CFAP299: variants seen among roughly 807,000 people sequenced by gnomAD.
The protein encoded by CFAP299 is cilia and flagella associated protein 299, also known as cilia- and flagella-associated protein 299.
Under a neutral mutation model 27.0 loss-of-function variants are expected in CFAP299, and 21 were observed. That is an observed-to-expected ratio of 0.78 (90% CI 0.55 to 1.12). The LOEUF (loss-of-function observed/expected upper bound fraction) is 1.12. Ranked by LOEUF, CFAP299 falls within the 50% of genes most tolerant of loss-of-function variation. The pLI is 0.00. For missense variants in CFAP299, 310 were observed against 276.6 expected (o/e 1.12, Z -0.86); for synonymous variants, 104 against 98.1 (o/e 1.06, Z -0.36).
chr4:80,589,580 A>G (rs1014580869), intron 3 of CFAP299, among the ~76,000 whole-genome samples: 3 of 152,216 alleles, frequency 2.0e-5, no homozygotes, highest in Non-Finnish European at 1.5e-5. Context: ...ATTTGTATCA[A>G]TAACTTAAAA....
At chr4:80,904,955 TA>T (rs1735110095) in intron 4 of CFAP299, among the ~76,000 whole-genome samples, 1 of 152,270 alleles carries the variant, frequency 6.6e-6, no homozygotes, top group South Asian at 2.1e-4. Flanking sequence ...AGAATATGAA[TA>T]AAAAGTGGTT....
intron 3 of CFAP299, among the ~76,000 whole-genome samples, chr4:80,670,559 G>A (rs1482244678): frequency 6.6e-6 from 1 of 152,154 alleles, no homozygotes; most frequent in Non-Finnish European, 1.5e-5. Flanking sequence ...TTGAGGAATA[G>A]CCATGCTGTC....
chr4:80,564,195 T>C (rs1309397491), intron 2 of CFAP299, among the ~76,000 whole-genome samples: 1 of 151,884 alleles, frequency 6.6e-6, no homozygotes, highest in Non-Finnish European at 1.5e-5. Context: ...GCTAATATTA[T>C]CCTGATACCA....
intron 3 of CFAP299, among the ~76,000 whole-genome samples, chr4:80,827,289 A>G (rs1463761391): frequency 6.6e-6 from 1 of 151,860 alleles, no homozygotes; most frequent in Non-Finnish European, 1.5e-5. Flanking sequence ...CCTTATAAAC[A>G]TTGATACAAA....
intron 3 of CFAP299, among the ~76,000 whole-genome samples, chr4:80,812,033 A>G (rs987799612): frequency 2.0e-5 from 3 of 152,162 alleles, no homozygotes; most frequent in Non-Finnish European, 4.4e-5. Flanking sequence ...GCGGACACGT[A>G]GTTTCAACAG....
chr4:80,396,366 C>T (rs1725794452), intron 2 of CFAP299, among the ~76,000 whole-genome samples: 1 of 152,036 alleles, frequency 6.6e-6, no homozygotes, highest in Admixed American at 6.6e-5. Context: ...CAGCAAACAC[C>T]CATGTTTGCC....
chr4:80,373,536 G>A (rs1001170594), intron 2 of CFAP299, among the ~76,000 whole-genome samples: 1 of 152,150 alleles, frequency 6.6e-6, no homozygotes, highest in Admixed American at 6.5e-5. Context: ...TCAACCTCAA[G>A]TAACCATCTT....
At chr4:80,785,945 C>T (rs752378447) in intron 3 of CFAP299, among the ~76,000 whole-genome samples, 3 of 152,008 alleles carry the variant, frequency 2.0e-5, no homozygotes, top group Non-Finnish European at 4.4e-5. Flanking sequence ...CTTCTTAAAT[C>T]TAGTAATAAA....
At chr4:80,323,466 T>G in the CFAP299 span, among the ~76,000 whole-genome samples, 1 of 152,232 alleles carries the variant, frequency 6.6e-6, no homozygotes, top group African/African-American at 2.4e-5. Context: ...CACACACTGG[T>G]ATTTGTTGAA....
chr4:80,392,171 A>G (rs1218022386), intron 2 of CFAP299, among the ~76,000 whole-genome samples: 2 of 152,138 alleles, frequency 1.3e-5, no homozygotes, highest in East Asian at 1.9e-4. Flanking sequence ...CTTTACCTCC[A>G]TTGTATCTAA....
intron 4 of CFAP299, among the ~76,000 whole-genome samples, chr4:80,924,216 T>C (rs1736186730): frequency 1.3e-5 from 2 of 152,006 alleles, no homozygotes; most frequent in Admixed American, 1.3e-4. Context: ...GAAACTTTTG[T>C]TCACATTTAT....
intron 3 of CFAP299, among the ~76,000 whole-genome samples, chr4:80,741,906 C>A (rs2201244): frequency 0.39 from 58,846 of 151,982 alleles, 15,375 homozygotes; most frequent in African/African-American, 0.74. Flanking sequence ...GGGCTGATCC[C>A]AATGCTCCCT....
At chr4:80,442,772 C>A (rs868751585) in intron 2 of CFAP299, among the ~76,000 whole-genome samples, 1 of 152,040 alleles carries the variant, frequency 6.6e-6, no homozygotes. Flanking sequence ...AAAAGATTAA[C>A]AAAATAGATA....
At chr4:80,801,431 G>T (rs72879971) in intron 3 of CFAP299, among the ~76,000 whole-genome samples, 4,161 of 151,970 alleles carry the variant, frequency 0.027, 131 homozygotes, top group African/African-American at 0.082. Flanking sequence ...AATATCCTAG[G>T]AAGAACAACT....
chr4:80,662,275 A>T (rs1740889099), intron 3 of CFAP299, among the ~76,000 whole-genome samples: 1 of 152,094 alleles, frequency 6.6e-6, no homozygotes, highest in African/African-American at 2.4e-5. Flanking sequence ...GAACCAGCCG[A>T]CGTGTGATGT....
chr4:80,454,161 G>A (rs1729034677), intron 2 of CFAP299, among the ~76,000 whole-genome samples: 1 of 152,042 alleles, frequency 6.6e-6, no homozygotes, highest in Non-Finnish European at 1.5e-5. Context: ...ATTGGAAGGT[G>A]CAGGATAGAG....
At chr4:80,528,438 G>A (rs1733300586) in intron 2 of CFAP299, among the ~76,000 whole-genome samples, 1 of 152,084 alleles carries the variant, frequency 6.6e-6, no homozygotes, top group Non-Finnish European at 1.5e-5. Flanking sequence ...TAGGCATCAG[G>A]GAAAGATGGC....
intron 2 of CFAP299, among the ~76,000 whole-genome samples, chr4:80,557,376 T>C (rs551465196): frequency 1.3e-5 from 2 of 152,232 alleles, no homozygotes; most frequent in East Asian, 3.9e-4. Flanking sequence ...GTGTCAATGC[T>C]CAGAATTTAG....
intron 3 of CFAP299, among the ~76,000 whole-genome samples, chr4:80,858,895 G>C (rs1455757606): frequency 6.6e-6 from 1 of 152,092 alleles, no homozygotes; most frequent in Non-Finnish European, 1.5e-5. Context: ...TGTTGATTTG[G>C]GGTGGAGAGT....
Sources: allele counts gnomAD v4.1 joint callset (sites outside exome capture counted in the v4.1 genomes callset), GRCh38; gene constraint gnomAD v4.1.1; transcripts MANE v1.5; gene names NCBI Gene and HGNC (gene_info 2026-07-23, HGNC 2026-07-21).